Variants in ZNF568 observed in about 807,000 individuals in gnomAD.
The protein encoded by ZNF568 is p53 inhibitor of SCO2 activation.
ZNF568 carries 11 observed loss-of-function variants against 18.1 expected under a neutral mutation model. The observed-to-expected ratio is 0.61, with a 90% confidence interval of 0.38 to 1.00. ZNF568 has a LOEUF of 1.00. Ranked by LOEUF, ZNF568 falls within the 50% of genes least tolerant of loss-of-function variation. The pLI is 0.01. For missense variants in ZNF568, 639 were observed against 768.2 expected (o/e 0.83, Z 1.99); for synonymous variants, 213 against 246.6 (o/e 0.86, Z 1.28).
chr19:36,984,087 GA>G (rs201657051), downstream of ZNF568, among the ~76,000 whole-genome samples: 1,519 of 151,894 alleles, frequency 0.01, 20 homozygotes, highest in South Asian at 0.044. Flanking sequence ...TTTTAGTAGA[GA>G]GGGGGTTTCA....
Position 36,937,123 on chromosome 19 carries a change from A to G in ZNF568, c.263-24A>G. On this transcript the variant is annotated intron_variant, in intron 5 of 6. Transcript: ENST00000333987. Reference sequence around the variant, plus strand: ...GGTTGTCTCCAGCATTGACATCCACATCCTTTGCTATTTCTTGTAATAGGC... The same window carrying G: ...GGTTGTCTCCAGCATTGACATCCACGTCCTTTGCTATTTCTTGTAATAGGC... 1.9e-6 allele frequency: 3 copies of G among 1,608,366 alleles called. No homozygotes were observed. The African/African-American group carries it at 4.0e-5, about 21-fold the overall frequency.
At chr19:36,976,311 T>G in intron 7 of ZNF568, 1 of 152,330 alleles carries the variant, frequency 6.6e-6, no homozygotes, top group African/African-American at 2.4e-5. Flanking sequence ...CACTTATAGT[T>G]GGACTTTCTT....
At chr19:36,932,632 C>T (rs536284271) in intron 4 of ZNF568, among the ~76,000 whole-genome samples, 1 of 152,138 alleles carries the variant, frequency 6.6e-6, no homozygotes, top group South Asian at 2.1e-4. Flanking sequence ...TTTTCCATAG[C>T]AGTTGTGCTA....
chr19:36,982,041 G>A (rs762593713), downstream of ZNF568, among the ~76,000 whole-genome samples: 35 of 151,470 alleles, frequency 2.3e-4, no homozygotes, highest in Non-Finnish European at 4.6e-4. Flanking sequence ...TTATTCTGAC[G>A]TCTTGTAGAT....
At chr19:36,940,050 G>T (rs1944771095) in intron 6 of ZNF568, among the ~76,000 whole-genome samples, 1 of 152,042 alleles carries the variant, frequency 6.6e-6, no homozygotes, top group South Asian at 2.1e-4. Flanking sequence ...TTCTTCCCTT[G>T]TGAAATATCT....
chr19:36,997,679 GTCAACA>G, downstream of ZNF568: 2 of 1,049,720 alleles, frequency 1.9e-6, no homozygotes, highest in Non-Finnish European at 2.8e-6. Flanking sequence ...TCACACCTTA[GTCAACA>G]TCAAAGAATT....
chr19:36,935,506 G>GC (rs2073774489), intron 4 of ZNF568, among the ~76,000 whole-genome samples: 1 of 150,930 alleles, frequency 6.6e-6, no homozygotes, highest in Admixed American at 6.6e-5. Context: ...GTTGCAGTGA[G>GC]CCGAGATCGT....
chr19:36,933,916 G>GTTTTTTT, intron 4 of ZNF568, among the ~76,000 whole-genome samples: 1 of 20,724 alleles, frequency 4.8e-5, no homozygotes, highest in Non-Finnish European at 9.2e-5. Context: ...TTTTTGTTTT[G>GTTTTTTT]TTTTTTTGTT....
At chr19:36,974,472 T>C in intron 7 of ZNF568, 2 of 1,535,994 alleles carry the variant, frequency 1.3e-6, no homozygotes, top group East Asian at 2.4e-5. Context: ...CGGAGGTAAG[T>C]TGCATTTGAC....
intron 2 of ZNF568, among the ~76,000 whole-genome samples, chr19:36,918,782 A>G (rs894152558): frequency 2.0e-5 from 3 of 152,192 alleles, no homozygotes; most frequent in Admixed American, 1.3e-4. Context: ...CTATCAAACA[A>G]TAACTCTGTA....
chr19:36,955,331 C>T (rs1258615052), downstream of ZNF568, among the ~76,000 whole-genome samples: 2 of 151,530 alleles, frequency 1.3e-5, no homozygotes, highest in African/African-American at 4.9e-5. Flanking sequence ...GCTTTAGAGT[C>T]AACAGAGAAA....
intron 2 of ZNF568, among the ~76,000 whole-genome samples, chr19:36,986,529 A>G (rs1330818151): frequency 6.6e-6 from 1 of 152,102 alleles, no homozygotes; most frequent in East Asian, 1.9e-4. Context: ...GAATTCTAAA[A>G]TATTTTTGAT....
rs2074036973 is a variant in ZNF568, at chr19:36,950,307, CA to C, written c.1155del (p.Glu387ArgfsTer23). 2 of 1,613,924 alleles carry C rather than the reference CA, an allele frequency of 1.2e-6. No individual in the cohort carries two copies. The highest frequency in any genetic ancestry group is 2.7e-5 in the African/African-American group (2 of 74,908). On this transcript the variant is annotated frameshift_variant, in exon 7 of 7. Coordinates refer to ENST00000333987, the MANE Select transcript of ZNF568 (RefSeq NM_198539.4). LOFTEE classifies it low-confidence loss of function (END_TRUNC). The stretch of plus-strand genomic sequence containing the variant: ...GTTACGCTACATATGAGAAGTCACA[CA>C]GGGGAGAAACCCTATAAATGTAATA... ...SSVTLHMRSH[T>X]GEKPYKCNKC...
intron 3 of ZNF568, among the ~76,000 whole-genome samples, chr19:36,924,336 AG>A (rs2073510021): frequency 6.6e-6 from 1 of 151,608 alleles, no homozygotes; most frequent in Non-Finnish European, 1.5e-5. Flanking sequence ...CTCCTGCCTC[AG>A]CCTCCCAAGT....
intron 6 of ZNF568, chr19:36,974,318 C>A: frequency 1.0e-6 from 1 of 966,356 alleles, no homozygotes; most frequent in South Asian, 1.5e-5. Flanking sequence ...CTTCTTTGGT[C>A]TCCCTTTCAG....
Position 36,918,884 on chromosome 19 carries a change from G to T in ZNF568, c.-186+1236G>T, listed in dbSNP as rs1455124761. On this transcript the variant is annotated intron_variant, in intron 2 of 6. Coordinates refer to ENST00000333987, the MANE Select transcript of ZNF568 (RefSeq NM_198539.4). ...ATACTTCATATAAGCAGAATCATAT[G>T]TTGTTTGTGCTTTTGTGACCCTGAT... Among the ~76,000 whole-genome samples the T allele has an allele frequency of 5.9e-5, 9 of 152,198 alleles. No homozygotes were observed. In the East Asian group the frequency reaches 1.7e-3, roughly 29 times the overall value.
intron 6 of ZNF568, among the ~76,000 whole-genome samples, chr19:36,962,529 C>T (rs891418758): frequency 6.6e-6 from 1 of 151,596 alleles, no homozygotes; most frequent in African/African-American, 2.4e-5. Context: ...TTAGTAGAGA[C>T]GGTCTTTTAC....
chr19:36,925,475 T>G (rs1442507710), intron 4 of ZNF568, among the ~76,000 whole-genome samples: 1 of 152,200 alleles, frequency 6.6e-6, no homozygotes, highest in Non-Finnish European at 1.5e-5. Flanking sequence ...TTAAATATGA[T>G]CTGGACAGTC....
At chr19:36,946,779 A>G (rs2073974042) in intron 6 of ZNF568, among the ~76,000 whole-genome samples, 2 of 144,410 alleles carry the variant, frequency 1.4e-5, no homozygotes, top group Admixed American at 6.9e-5. Context: ...CAGCCTCCCA[A>G]GTAGCTGGGA....
Sources: allele counts gnomAD v4.1 joint callset (sites outside exome capture counted in the v4.1 genomes callset), GRCh38; gene constraint gnomAD v4.1.1; transcripts MANE v1.5; gene names NCBI Gene and HGNC (gene_info 2026-07-23, HGNC 2026-07-21).